Variants in TMIGD3 observed in about 807,000 individuals in gnomAD.
TMIGD3 encodes the protein AD026 protein (AD026).
In TMIGD3, 21 loss-of-function variants were observed where a neutral mutation model predicts 28.1. The observed-to-expected ratio is 0.75, with a 90% confidence interval of 0.53 to 1.08. TMIGD3 has a LOEUF of 1.08. TMIGD3 is among the 50% of genes least tolerant of loss of function. TMIGD3 has a pLI of 0.00. For synonymous variants in TMIGD3, 151 were observed against 162.1 expected, an observed-to-expected ratio of 0.93 and a Z score of 0.52; for missense variants, 416 against 435.6, an observed-to-expected ratio of 0.96 and a Z score of 0.40.
chr1:111,551,871 T>C (rs1657276017), intron 1 of TMIGD3, among the ~76,000 whole-genome samples: 1 of 152,194 alleles, frequency 6.6e-6, no homozygotes, highest in Non-Finnish European at 1.5e-5. Flanking sequence ...CTTCACTTAC[T>C]GTTTGCTCAG....
chr1:111,563,445 T>C (rs1253542752), intron 1 of TMIGD3, among the ~76,000 whole-genome samples: 1 of 152,170 alleles, frequency 6.6e-6, no homozygotes, highest in Admixed American at 6.5e-5. Context: ...CAAGGCCAGA[T>C]TGAGATTTGT....
intron 1 of TMIGD3, chr1:111,499,941 G>A (rs1183581336): frequency 3.1e-6 from 5 of 1,612,624 alleles, no homozygotes; most frequent in Non-Finnish European, 4.2e-6. Flanking sequence ...AGTCATCTCT[G>A]ATGGATAACT....
intron 1 of TMIGD3, among the ~76,000 whole-genome samples, chr1:111,535,117 C>G (rs950522581): frequency 2.6e-5 from 4 of 152,156 alleles, no homozygotes; most frequent in African/African-American, 9.7e-5. Context: ...GAGAATAACA[C>G]CTACCTTATA....
chr1:111,532,701 G>A (rs987035955), intron 1 of TMIGD3, among the ~76,000 whole-genome samples: 2 of 152,320 alleles, frequency 1.3e-5, no homozygotes, highest in Non-Finnish European at 2.9e-5. Flanking sequence ...CCCCCTGTGA[G>A]CCCCTGAAAG....
intron 1 of TMIGD3, among the ~76,000 whole-genome samples, chr1:111,512,960 C>T (rs2100995989): frequency 6.6e-6 from 1 of 152,342 alleles, no homozygotes; most frequent in Admixed American, 6.5e-5. Flanking sequence ...CCATTTTCCT[C>T]TCTTTTCTCC....
intron 1 of TMIGD3, among the ~76,000 whole-genome samples, chr1:111,543,262 T>C (rs2101026562): frequency 6.6e-6 from 1 of 152,310 alleles, no homozygotes; most frequent in South Asian, 2.1e-4. Flanking sequence ...TGCGTGTTTC[T>C]GTGTGTGTTG....
intron 1 of TMIGD3, among the ~76,000 whole-genome samples, chr1:111,495,345 A>G (rs1654844426): frequency 6.6e-6 from 1 of 152,230 alleles, no homozygotes; most frequent in South Asian, 2.1e-4. Context: ...ACATGTGGCC[A>G]AACAGCATGT....
upstream of TMIGD3, among the ~76,000 whole-genome samples, chr1:111,506,913 T>A (rs796486720): frequency 1.6e-4 from 19 of 121,874 alleles, no homozygotes; most frequent in Non-Finnish European, 1.6e-4. Context: ...TATATATATA[T>A]TATATATATA....
chr1:111,541,761 G>A (rs1656835217), intron 1 of TMIGD3, among the ~76,000 whole-genome samples: 2 of 152,128 alleles, frequency 1.3e-5, no homozygotes, highest in South Asian at 2.1e-4. Flanking sequence ...TTCAGTGGAG[G>A]GACAGGGGAC....
chr1:111,511,355 T>C (rs1004144677), intron 1 of TMIGD3, among the ~76,000 whole-genome samples: 5 of 152,200 alleles, frequency 3.3e-5, no homozygotes, highest in African/African-American at 1.2e-4. Flanking sequence ...TAAATTCCAG[T>C]TGAATGTATT....
At chr1:111,513,810 T>A (rs1399960347) in intron 1 of TMIGD3, among the ~76,000 whole-genome samples, 1 of 152,182 alleles carries the variant, frequency 6.6e-6, no homozygotes, top group Non-Finnish European at 1.5e-5. Flanking sequence ...CTCCATTTCC[T>A]GCCAATAATG....
At chr1:111,504,864 T>C, upstream of TMIGD3, 1 of 985,198 alleles carries the variant, frequency 1.0e-6, no homozygotes, top group South Asian at 4.7e-5. Flanking sequence ...CCAAATCCCA[T>C]ACTTGTCCCC....
At chr1:111,492,728 C>T (rs945310543) in intron 1 of TMIGD3, among the ~76,000 whole-genome samples, 3 of 150,558 alleles carry the variant, frequency 2.0e-5, no homozygotes, top group Admixed American at 6.7e-5. Context: ...GCAGGAGAAT[C>T]GCTTGAACCC....
intron 1 of TMIGD3, among the ~76,000 whole-genome samples, chr1:111,495,771 C>T (rs1654861175): frequency 6.6e-6 from 1 of 152,194 alleles, no homozygotes; most frequent in Non-Finnish European, 1.5e-5. Context: ...CCATCAATGG[C>T]AGACTGGATT....
At chr1:111,550,601 T>C (rs911722651) in intron 1 of TMIGD3, among the ~76,000 whole-genome samples, 1 of 152,234 alleles carries the variant, frequency 6.6e-6, no homozygotes, top group African/African-American at 2.4e-5. Flanking sequence ...CCACTGTTGT[T>C]TAAGAGTTTC....
chr1:111,560,170 T>C (rs189513599), intron 1 of TMIGD3, among the ~76,000 whole-genome samples: 91 of 152,300 alleles, frequency 6.0e-4, no homozygotes, highest in African/African-American at 2.1e-3. Context: ...AGCATACTTA[T>C]CTAAACACAT....
intron 1 of TMIGD3, among the ~76,000 whole-genome samples, chr1:111,546,216 T>C (rs1349013019): frequency 6.6e-6 from 1 of 152,208 alleles, no homozygotes; most frequent in Non-Finnish European, 1.5e-5. Flanking sequence ...ATTTAGAAAG[T>C]ACTGCCATCA....
At chr1:111,486,076 G>A (rs1407958387) in intron 4 of TMIGD3, among the ~76,000 whole-genome samples, 1 of 152,172 alleles carries the variant, frequency 6.6e-6, no homozygotes, top group African/African-American at 2.4e-5. Context: ...ATTAACTGTG[G>A]ATTGGGAATA....
chr1:111,530,396 T>G (rs546335428), intron 1 of TMIGD3, among the ~76,000 whole-genome samples: 17 of 152,324 alleles, frequency 1.1e-4, no homozygotes, highest in Non-Finnish European at 1.9e-4. Context: ...TACCTATATA[T>G]TTACCATTTC....
Sources: allele counts gnomAD v4.1 joint callset (sites outside exome capture counted in the v4.1 genomes callset), GRCh38; gene constraint gnomAD v4.1.1; transcripts MANE v1.5; gene names NCBI Gene and HGNC (gene_info 2026-07-23, HGNC 2026-07-21).